The following PCDHGB6 variants were observed in gnomAD, a reference collection of about 807,000 sequenced individuals.
PCDHGB6 encodes the protein protocadherin gamma subfamily B, 6, also known as protocadherin gamma-B6.
Under a neutral mutation model 59.1 loss-of-function variants are expected in PCDHGB6, and 51 were observed. The ratio of observed to expected loss-of-function variants is 0.86; its 90% CI spans 0.69 to 1.09. The LOEUF (loss-of-function observed/expected upper bound fraction) is 1.09. Ranked by LOEUF, PCDHGB6 falls within the 50% of genes least tolerant of loss-of-function variation. The probability of loss-of-function intolerance (pLI) is 0.00; values close to 1 mark genes in which losing one functional copy is unlikely to be tolerated. For synonymous variants in PCDHGB6, 466 were observed against 495.1 expected (o/e 0.94, Z 0.78); for missense variants, 1,148 against 1,205.1 (o/e 0.95, Z 0.70).
At chr5:141,478,428 C>G in intron 1 of PCDHGB6, 1 of 1,613,746 alleles carries the variant, frequency 6.2e-7, no homozygotes. Flanking sequence ...CGCAGCGACC[C>G]GCTGCTGAAG....
At position 141,487,215 on chromosome 5, in the gene PCDHGB6, C is replaced by G. The variant is rs1248989099; in HGVS notation, c.2419-7592C>G. 4 of 1,613,850 alleles carry G rather than the reference C, an allele frequency of 2.5e-6. No homozygotes were observed. Among genetic ancestry groups the G allele is most frequent in the East Asian group, 4.5e-5 (2 of 44,882 alleles). The stretch of plus-strand genomic sequence containing the variant: ...GTCCCAGATCTTCGAGAATCTTCAG[C>G]TCCAAGGGAAGGAGAATCTCGTCTA... On this transcript the variant is annotated intron_variant, in intron 1 of 3. Coordinates refer to ENST00000520790, the MANE Select transcript of PCDHGB6 (RefSeq NM_018926.3). This position sits in a 1 kb window ranked among gnomAD's most constrained non-coding sequence, Gnocchi z 5.0.
intron 1 of PCDHGB6, among the ~76,000 whole-genome samples, chr5:141,469,489 C>T (rs1013080566): frequency 4.6e-5 from 7 of 151,928 alleles, no homozygotes; most frequent in Middle Eastern, 3.4e-3. Context: ...GCAGGAGAAT[C>T]GCTTGAACCC....
At chr5:141,428,358 G>A in intron 1 of PCDHGB6, 2 of 565,492 alleles carry the variant, frequency 3.5e-6, no homozygotes, top group South Asian at 1.9e-5. Context: ...TGATTTTGGC[G>A]GTCGCCTTGC....
At chr5:141,503,099 C>T (rs1286557930) in intron 2 of PCDHGB6, among the ~76,000 whole-genome samples, 1 of 151,884 alleles carries the variant, frequency 6.6e-6, no homozygotes, top group Non-Finnish European at 1.5e-5. Context: ...GTGGTCTGCC[C>T]GCCCCTGCCT....
chr5:141,490,942 C>A lies in PCDHGB6; in HGVS notation c.2419-3865C>A, dbSNP rs371286343. On this transcript the variant is annotated intron_variant, in intron 1 of 3. Coordinates refer to ENST00000520790, the MANE Select transcript of PCDHGB6 (RefSeq NM_018926.3). This position sits in a 1 kb window ranked among gnomAD's most constrained non-coding sequence, Gnocchi z 5.4. ...TAATGCCCCAGCTGTGCTGCACCCA[C>A]GGCCAGACTGGGAACACTCAGCCCC... The A allele has an allele frequency of 3.0e-5, 49 of 1,613,526 alleles. No individual in the cohort carries two copies. The highest frequency in any genetic ancestry group is 4.1e-5 in the Non-Finnish European group (48 of 1,179,768).
rs748828282 is a variant in PCDHGB6 at position 141,491,412 on chromosome 5, C to T, written c.2419-3395C>T. The T allele has an allele frequency of 3.1e-6, 5 of 1,613,944 alleles. No homozygotes were observed. The African/African-American group carries it at 5.3e-5, about 17-fold the overall frequency. Reference sequence around the variant, plus strand: ...GCCTTCAGGGAAACGCAGACGGGGACGGGGGTGGAGGGCAGTGCTGCAGGC... The same window carrying T: ...GCCTTCAGGGAAACGCAGACGGGGATGGGGGTGGAGGGCAGTGCTGCAGGC... On this transcript the variant is annotated intron_variant, in intron 1 of 3. Coordinates refer to ENST00000520790, the MANE Select transcript of PCDHGB6 (RefSeq NM_018926.3). The surrounding 1 kb of genome is among the most constrained non-coding windows in gnomAD (Gnocchi z 6.9).
intron 1 of PCDHGB6, chr5:141,441,447 C>T: frequency 6.2e-6 from 1 of 161,550 alleles, no homozygotes. Flanking sequence ...CCAGCCCAAG[C>T]ATCACCCTAC....
intron 1 of PCDHGB6, chr5:141,427,942 T>C (rs1561832592): frequency 6.3e-7 from 1 of 1,586,106 alleles, no homozygotes; most frequent in Non-Finnish European, 8.6e-7. Context: ...GTGGGCGACC[T>C]CAATGACAAT....
In PCDHGB6 at chr5:141,486,172, T is replaced by C; in HGVS notation, c.2419-8635T>C. ...GGGGTTCTCCAGCCATGGAGCAACA[T>C]TGCAGCCTTCGAGTGGATCTGCTGG... On this transcript the variant is annotated intron_variant, in intron 1 of 3. Transcript: ENST00000520790. The surrounding 1 kb of genome is among the most constrained non-coding windows in gnomAD (Gnocchi z 5.0). 3 of 1,614,212 alleles carry C rather than the reference T, an allele frequency of 1.9e-6. No homozygotes were observed. Among genetic ancestry groups the C allele is most frequent in the Admixed American group, 1.7e-5 (1 of 60,036 alleles).
chr5:141,500,894 C>G (rs1221911920), intron 2 of PCDHGB6, among the ~76,000 whole-genome samples: 1 of 150,982 alleles, frequency 6.6e-6, no homozygotes, highest in African/African-American at 2.4e-5. Flanking sequence ...TTTTTTGAGA[C>G]AGTCTCGCTC....
At chr5:141,422,330 CTCT>C in intron 1 of PCDHGB6, 1 of 1,548,166 alleles carries the variant, frequency 6.5e-7, no homozygotes, top group East Asian at 2.2e-5. Context: ...ACAGTGATTG[CTCT>C]TCTAAATGTG....
Position 141,408,411 on chromosome 5 carries a change from C to T in PCDHGB6, c.209C>T (p.Ala70Val), listed in dbSNP as rs2095101928. The change falls in exon 1 of 4, where the codon GCG becomes GTG. Residue 70 changes from alanine (A) to valine (V), a missense_variant. Ala to Val is a moderately conservative substitution (Grantham distance 64). Coordinates refer to ENST00000520790, the MANE Select transcript of PCDHGB6 (RefSeq NM_018926.3). ...TCGGCTCGCAAGCTGCGAGTGAGCG[C>T]GGAGAAGCTGCACTTCAGCGTAGAC... The part of the protein sequence containing the change: ...DVSARKLRVS[A>V]EKLHFSVDAE... The T allele has an allele frequency of 1.2e-6, 2 of 1,614,034 alleles. No individual in the cohort carries two copies. The highest frequency in any genetic ancestry group is 1.3e-5 in the African/African-American group (1 of 75,058).
Position 141,493,034 on chromosome 5 carries a change from G to A in PCDHGB6, c.2419-1773G>A, listed in dbSNP as rs75211372. 6.6e-6 allele frequency among the ~76,000 whole-genome samples: 1 copy of A among 152,230 alleles called. No homozygotes were observed. Among genetic ancestry groups the A allele is most frequent in the African/African-American group, 2.4e-5 (1 of 41,458 alleles). On this transcript the variant is annotated intron_variant, in intron 1 of 3. Transcript: ENST00000520790. This position sits in a 1 kb window ranked among gnomAD's most constrained non-coding sequence, Gnocchi z 4.3. ...GCCAGATGCCAGGGTGCCCTTATGTGTGAGGAAACTACAATAGTAAAAAAC... is the reference window on the plus strand; with the variant it reads ...GCCAGATGCCAGGGTGCCCTTATGTATGAGGAAACTACAATAGTAAAAAAC...
Position 141,490,931 on chromosome 5 carries a change from T to C in PCDHGB6, c.2419-3876T>C. 1 of 1,613,780 alleles carries C rather than the reference T, an allele frequency of 6.2e-7. No individual in the cohort carries two copies. Among genetic ancestry groups the C allele is most frequent in the East Asian group, 2.2e-5 (1 of 44,872 alleles). ...GACGAGAATGATAATGCCCCAGCTG[T>C]GCTGCACCCACGGCCAGACTGGGAA... On this transcript the variant is annotated intron_variant, in intron 1 of 3. Transcript: ENST00000520790. This position sits in a 1 kb window ranked among gnomAD's most constrained non-coding sequence, Gnocchi z 5.4.
At chr5:141,419,203 C>A in intron 1 of PCDHGB6, 1 of 1,613,988 alleles carries the variant, frequency 6.2e-7, no homozygotes, top group South Asian at 1.1e-5. Context: ...TCAATGACAA[C>A]GCGCCGGTTT....
At chr5:141,472,022 T>C (rs949257396) in intron 1 of PCDHGB6, among the ~76,000 whole-genome samples, 1 of 152,176 alleles carries the variant, frequency 6.6e-6, no homozygotes, top group Non-Finnish European at 1.5e-5. Flanking sequence ...CTATATTGTA[T>C]GTAGAAAGCT....
chr5:141,485,239 C>T lies in PCDHGB6; in HGVS notation c.2419-9568C>T. ...GGGCTACCCTTTTGTTCCTCTTTTA[C>T]CACCTGGGTTACGTTTGTGGGCAGA... On this transcript the variant is annotated intron_variant, in intron 1 of 3. Transcript: ENST00000520790. This position sits in a 1 kb window ranked among gnomAD's most constrained non-coding sequence, Gnocchi z 5.7. The T allele has an allele frequency of 6.2e-7, 1 of 1,614,140 alleles. No homozygotes were observed. Among genetic ancestry groups the T allele is most frequent in the South Asian group, 1.1e-5 (1 of 91,072 alleles).
At position 141,438,591 on chromosome 5, in the gene PCDHGB6, CATATATATATATAT is replaced by C. The variant is rs946798767; in HGVS notation, c.2418+28003_2418+28016del. Among the ~76,000 whole-genome samples the C allele has an allele frequency of 7.9e-5, 6 of 75,562 alleles. No individual in the cohort carries two copies. The East Asian group carries it at 1.7e-3, about 22-fold the overall frequency. 49.6% of individuals were successfully genotyped at this position (75,562 alleles called of 152,430 possible). On this transcript the variant is annotated intron_variant, in intron 1 of 3. Transcript: ENST00000520790. ...TCTGATATACATACATACATACATA[CATATATATATATAT>C]ATATATATATATATATATATATATA...
chr5:141,409,187 A>C lies in PCDHGB6; in HGVS notation c.985A>C (p.Thr329Pro). 6.2e-7 allele frequency: 1 copy of C among 1,614,024 alleles called. No homozygotes were observed. Among genetic ancestry groups the C allele is most frequent in the Non-Finnish European group, 8.5e-7 (1 of 1,179,898 alleles). The change falls in exon 1 of 4, where the codon ACC becomes CCC. Residue 329 changes from threonine to proline, a missense_variant. By Grantham distance (38) the Thr-to-Pro change is conservative. Around this residue, in one of 5 missense-constraint regions of PCDHGB6, gnomAD observed 549 missense variants for 527.5 expected, o/e 1.04. Transcript: ENST00000520790. Reference sequence around the variant, plus strand: ...AGCGAAGGACGGAGGTGGTCTCTCTACCCAGTGTAAAGTAATCATAGAAAT... The same window carrying C: ...AGCGAAGGACGGAGGTGGTCTCTCTCCCCAGTGTAAAGTAATCATAGAAAT... ...VEAKDGGGLS[T>P]QCKVIIEILD...
Sources: gnomAD v4.1 joint callset for allele counts (sites outside exome capture counted in the v4.1 genomes callset) on GRCh38, gnomAD v4.1.1 for gene constraint, gnomAD v4.1.1 regional missense constraint, Gnocchi (gnomAD v3.1) non-coding constraint, MANE v1.5 for transcripts, NCBI Gene and HGNC (gene_info 2026-07-23, HGNC 2026-07-21) for gene names.